The following THSD7B variants were observed in gnomAD, a reference collection of about 807,000 sequenced individuals.
THSD7B encodes the protein thrombospondin type 1 domain containing 7B, also known as thrombospondin type-1 domain-containing protein 7B.
Under a neutral mutation model 213.6 loss-of-function variants are expected in THSD7B, and 138 were observed. That is an observed-to-expected ratio of 0.65 (90% CI 0.56 to 0.74). The LOEUF is 0.74. Ranked by LOEUF, THSD7B falls within the 30% of genes least tolerant of loss-of-function variation. The probability of loss-of-function intolerance (pLI) is 0.00; values close to 1 mark genes in which losing one functional copy is unlikely to be tolerated. For missense variants in THSD7B, 1,931 were observed against 1,991.5 expected (o/e 0.97, Z 0.58); for synonymous variants, 742 against 687.0 (o/e 1.08, Z -1.25).
intron 2 of THSD7B, among the ~76,000 whole-genome samples, chr2:136,916,592 G>A (rs552425869): frequency 2.6e-5 from 4 of 152,146 alleles, no homozygotes; most frequent in Non-Finnish European, 5.9e-5. Context: ...CCCATTCCAC[G>A]GAGCGTTTTA....
intron 15 of THSD7B, among the ~76,000 whole-genome samples, chr2:137,546,608 TTTTG>T (rs1157962391): frequency 1.4e-5 from 2 of 143,122 alleles, no homozygotes; most frequent in African/African-American, 5.2e-5. Context: ...CTGGGGTTTT[TTTTG>T]TTTGTTTTTT....
chr2:137,303,266 C>T (rs1205850062), intron 12 of THSD7B, among the ~76,000 whole-genome samples: 1 of 152,156 alleles, frequency 6.6e-6, no homozygotes, highest in Non-Finnish European at 1.5e-5. Context: ...AAGCCATATT[C>T]CTGCTTCAGC....
rs375165713 is a variant in THSD7B at position 137,567,133 on chromosome 2, C to CTATTTTATTTTATTT, written c.3272+3816_3272+3830dup. ...GTTTGATGTGGGGGAGTGACATGCT[C>CTATTTTATTTTATTT]TATTTTATTTTATTTTATTTTATTT... is the stretch of plus-strand genomic sequence containing the variant. On this transcript the variant is annotated intron_variant, in intron 16 of 27. Coordinates refer to ENST00000409968, the MANE Select transcript of THSD7B (RefSeq NM_001316349.2). 2.8e-3 allele frequency among the ~76,000 whole-genome samples: 385 copies of CTATTTTATTTTATTT among 137,674 alleles called. 2 individuals are homozygous for CTATTTTATTTTATTT. The highest frequency in any genetic ancestry group is 0.011 in the South Asian group (46 of 4,076). The allele number at this position is 137,674 out of a possible 152,430, so 90.3% of individuals were successfully genotyped here.
intron 17 of THSD7B, among the ~76,000 whole-genome samples, chr2:137,581,601 C>T (rs1182601485): frequency 2.6e-5 from 4 of 151,288 alleles, no homozygotes; most frequent in Non-Finnish European, 5.9e-5. Flanking sequence ...CTGGGCAACA[C>T]AGAGAGACTC....
At position 136,977,827 on chromosome 2, in the gene THSD7B, G is replaced by A. The variant is rs566627418; in HGVS notation, c.140-78593G>A. Reference sequence around the variant, plus strand: ...TTTTTTTTTTTTTTTTTTTTTAAACGGAGTCTTGCTCTGTCACCCAGGCCG... The same window carrying A: ...TTTTTTTTTTTTTTTTTTTTTAAACAGAGTCTTGCTCTGTCACCCAGGCCG... On this transcript the variant is annotated intron_variant, in intron 2 of 27. Coordinates refer to ENST00000409968, the MANE Select transcript of THSD7B (RefSeq NM_001316349.2). 1.0e-3 allele frequency among the ~76,000 whole-genome samples: 93 copies of A among 89,932 alleles called. 3 individuals are homozygous for A. The East Asian group carries it at 0.028, about 27-fold the overall frequency. 59.0% of individuals were successfully genotyped at this position (89,932 alleles called of 152,430 possible). A position where few individuals can be genotyped will look rare whatever the true frequency, so the allele number is the denominator to read the frequency against.
chr2:136,782,063 GT>G (rs1421697402), intron 1 of THSD7B, among the ~76,000 whole-genome samples: 2 of 152,204 alleles, frequency 1.3e-5, no homozygotes, highest in Non-Finnish European at 2.9e-5. Flanking sequence ...ATGCTGGTAT[GT>G]TTTTGCATGT....
intron 12 of THSD7B, among the ~76,000 whole-genome samples, chr2:137,392,089 T>C (rs1317530404): frequency 6.6e-6 from 1 of 152,246 alleles, no homozygotes; most frequent in African/African-American, 2.4e-5. Flanking sequence ...TCTAGTTTTA[T>C]TCTGCTATGG....
intron 12 of THSD7B, among the ~76,000 whole-genome samples, chr2:137,334,027 G>T (rs1684578691): frequency 6.6e-6 from 1 of 152,112 alleles, no homozygotes; most frequent in Admixed American, 6.5e-5. Context: ...ACTCAATTTT[G>T]CTATTTAGCA....
chr2:137,252,850 G>C (rs895538285), intron 10 of THSD7B, among the ~76,000 whole-genome samples: 3 of 146,618 alleles, frequency 2.0e-5, no homozygotes, highest in African/African-American at 7.6e-5. Context: ...GCCTCCACCA[G>C]TTACACTCTG....
chr2:137,537,521 C>T (rs1680529578), intron 15 of THSD7B, among the ~76,000 whole-genome samples: 1 of 151,618 alleles, frequency 6.6e-6, no homozygotes, highest in East Asian at 1.9e-4. Context: ...AAACAACCAT[C>T]ATTTATAGAT....
chr2:137,558,339 G>C (rs185044435), intron 15 of THSD7B, among the ~76,000 whole-genome samples: 283 of 152,286 alleles, frequency 1.9e-3, no homozygotes, highest in African/African-American at 6.5e-3. Flanking sequence ...ACTGAATCCA[G>C]CAGCACATCA....
intron 7 of THSD7B, among the ~76,000 whole-genome samples, chr2:137,191,396 A>G (rs999251026): frequency 4.6e-5 from 7 of 152,032 alleles, no homozygotes; most frequent in African/African-American, 1.7e-4. Context: ...CTCTTGCTGC[A>G]TCCTCAAGGC....
intron 7 of THSD7B, among the ~76,000 whole-genome samples, chr2:137,227,995 T>A (rs1192877934): frequency 2.0e-5 from 3 of 152,176 alleles, no homozygotes; most frequent in Non-Finnish European, 2.9e-5. Context: ...AAGGTAAACA[T>A]CATTATTTGA....
chr2:137,369,133 G>T (rs1196410207), intron 12 of THSD7B, among the ~76,000 whole-genome samples: 2 of 139,934 alleles, frequency 1.4e-5, no homozygotes, highest in Non-Finnish European at 3.1e-5. Flanking sequence ...GTTGTTTGGA[G>T]GGGGGGCGGG....
intron 3 of THSD7B, among the ~76,000 whole-genome samples, chr2:137,069,418 AT>A (rs1367213394): frequency 6.6e-6 from 1 of 152,048 alleles, no homozygotes; most frequent in Non-Finnish European, 1.5e-5. Flanking sequence ...TAGGAAAGTG[AT>A]TCATACTTAT....
chr2:136,960,493 C>G (rs551196262), intron 2 of THSD7B, among the ~76,000 whole-genome samples: 1 of 152,236 alleles, frequency 6.6e-6, no homozygotes, highest in African/African-American at 2.4e-5. Context: ...TTTTGTCTAT[C>G]ATTGGCAGTA....
At chr2:137,563,495 A>G in intron 16 of THSD7B, 141 bp downstream of exon 16, 1 of 1,187,802 alleles carries the variant, frequency 8.4e-7, no homozygotes. Context: ...TGAAATATTC[A>G]TTGAAATAAG....
intron 12 of THSD7B, among the ~76,000 whole-genome samples, chr2:137,282,768 C>A (rs1683059575): frequency 2.0e-5 from 3 of 152,146 alleles, no homozygotes; most frequent in Admixed American, 2.0e-4. Context: ...GTCTATATCT[C>A]TGTTTTGGTA....
At chr2:137,600,921 C>T (rs934585022) in intron 17 of THSD7B, among the ~76,000 whole-genome samples, 1 of 151,976 alleles carries the variant, frequency 6.6e-6, no homozygotes, top group South Asian at 2.1e-4. Context: ...ATGATCCGGA[C>T]CCTGTGTGGC....
Sources: gnomAD v4.1 joint callset for allele counts (sites outside exome capture counted in the v4.1 genomes callset) on GRCh38, gnomAD v4.1.1 for gene constraint, MANE v1.5 for transcripts, NCBI Gene and HGNC (gene_info 2026-07-23, HGNC 2026-07-21) for gene names.